The following BLZF1 variants were observed in gnomAD, a reference collection of about 807,000 sequenced individuals.
BLZF1 encodes the protein golgin-45.
A neutral mutation model predicts 43.8 loss-of-function variants in BLZF1; 39 were observed. The observed-to-expected ratio is 0.89, with a 90% CI of 0.69 to 1.16. The LOEUF (loss-of-function observed/expected upper bound fraction) is 1.16, where lower values mean the gene tolerates loss of function less well. BLZF1 is among the 50% of genes most tolerant of loss of function. The probability of loss-of-function intolerance (pLI) is 0.00; values close to 1 mark genes in which losing one functional copy is unlikely to be tolerated. For synonymous variants in BLZF1, 136 were observed against 159.4 expected (o/e 0.85, Z 1.11); for missense variants, 449 against 469.8 (o/e 0.96, Z 0.41).
chr1:169,385,656 CCAAA>C (rs1021785507), intron 6 of BLZF1, among the ~76,000 whole-genome samples: 3 of 152,200 alleles, frequency 2.0e-5, no homozygotes, highest in Non-Finnish European at 2.9e-5. Flanking sequence ...TCCTCTAATA[CCAAA>C]CAAACTTCCA....
chr1:169,379,989 G>A (rs1654475428), intron 4 of BLZF1, among the ~76,000 whole-genome samples: 1 of 151,074 alleles, frequency 6.6e-6, no homozygotes, highest in African/African-American at 2.4e-5. Context: ...ATTTTTTTTT[G>A]AGAAGTGTAA....
downstream of BLZF1, among the ~76,000 whole-genome samples, chr1:169,389,304 C>G (rs1008288558): frequency 6.6e-6 from 1 of 150,876 alleles, no homozygotes; most frequent in Non-Finnish European, 1.5e-5. Flanking sequence ...CAAAAAAAAA[C>G]AAAAACAAAA....
chr1:169,379,596 A>C (rs1169766143), intron 4 of BLZF1, among the ~76,000 whole-genome samples: 1 of 152,014 alleles, frequency 6.6e-6, no homozygotes, highest in African/African-American at 2.4e-5. Context: ...ATTAAATATG[A>C]CTTTATTGGT....
chr1:169,387,234 A>G lies in BLZF1; in HGVS notation c.*52A>G, dbSNP rs1410008737. The stretch of plus-strand genomic sequence containing the variant: ...GGTACTTCCTTATTACCCAAGAGTC[A>G]TTATTATTTGGGAGCTGGGGTTCTT... On this transcript the variant is annotated 3_prime_UTR_variant, in exon 7 of 7. Transcript: ENST00000367808. 4 of 1,526,090 alleles carry G rather than the reference A, an allele frequency of 2.6e-6. No individual in the cohort carries two copies. The highest frequency in any genetic ancestry group is 3.6e-6 in the Non-Finnish European group (4 of 1,125,338). 94.5% of individuals were successfully genotyped at this position (1,526,090 alleles called of 1,614,324 possible).
chr1:169,376,421 ATT>A, intron 2 of BLZF1, 117 bp from the exon 3 acceptor site: 7 of 767,426 alleles, frequency 9.1e-6, no homozygotes, highest in East Asian at 3.5e-5. Context: ...TTTTTCTCTG[ATT>A]TTTTTTTTGC....
chr1:169,370,834 C>T (rs772852556), intron 2 of BLZF1, among the ~76,000 whole-genome samples: 2 of 152,172 alleles, frequency 1.3e-5, no homozygotes, highest in African/African-American at 4.8e-5. Flanking sequence ...TCCCTAATCT[C>T]CTTCTTTATG....
At chr1:169,375,647 C>T (rs781578952) in intron 2 of BLZF1, among the ~76,000 whole-genome samples, 3 of 151,288 alleles carry the variant, frequency 2.0e-5, no homozygotes, top group Non-Finnish European at 2.9e-5. Context: ...GGTCTTACCT[C>T]ATAGAATGTC....
rs140192365 is a variant in BLZF1 at position 169,383,665 on chromosome 1, T to G, written c.1017+1384T>G. ...GAGCATTCCTTCCTGGAAACTCCCT[T>G]GACCTTTGTAACATCACTCTTTCTT... On this transcript the variant is annotated intron_variant, in intron 6 of 6. Transcript: ENST00000367808. Among the ~76,000 whole-genome samples, 456 of 152,300 alleles carry G rather than the reference T, an allele frequency of 3.0e-3. 3 individuals are homozygous for G. Among genetic ancestry groups the G allele is most frequent in the African/African-American group, 0.01 (422 of 41,554 alleles).
In BLZF1 at chr1:169,380,379, C is replaced by T. The variant is rs898752478; in HGVS notation, c.669-102C>T. On this transcript the variant is annotated intron_variant, in intron 4 of 6. Transcript: ENST00000367808. ...CTGTGAAGTAACTATACTGTTAAAT[C>T]TTTGTTAGCTTCTGAAAGTGACAGT... 46 of 1,136,406 alleles carry T rather than the reference C, an allele frequency of 4.0e-5. No individual in the cohort carries two copies. The African/African-American group carries it at 6.9e-4, about 17-fold the overall frequency. 70.4% of individuals were successfully genotyped at this position (1,136,406 alleles called of 1,614,324 possible). A position where few individuals can be genotyped will look rare whatever the true frequency, so the allele number is the denominator to read the frequency against.
At position 169,378,358 on chromosome 1, in the gene BLZF1, T is replaced by G; in HGVS notation, c.497T>G (p.Val166Gly). ...EVNRELKKLL[V>G]ASVGDDLQYH... The stretch of plus-strand genomic sequence containing the variant: ...AATCGTGAGTTAAAAAAGTTACTGG[T>G]GGCTTCTGTTGGGGATGATCTTCAG... Residue 166 changes from valine to glycine, a missense_variant, in exon 4 of 7, where the codon GTG becomes GGG. Coordinates refer to ENST00000367808, the MANE Select transcript of BLZF1 (RefSeq NM_001320973.2). 2 of 1,612,754 alleles carry G rather than the reference T, an allele frequency of 1.2e-6. No homozygotes were observed. Among genetic ancestry groups the G allele is most frequent in the Non-Finnish European group, 1.7e-6 (2 of 1,179,006 alleles).
At chr1:169,391,139 C>T (rs1345002465), downstream of BLZF1, among the ~76,000 whole-genome samples, 2 of 152,182 alleles carry the variant, frequency 1.3e-5, no homozygotes, top group African/African-American at 2.4e-5. Context: ...AAAACCTGAT[C>T]TCAATCAAAA....
chr1:169,381,589 A>G (rs925016460), intron 5 of BLZF1, among the ~76,000 whole-genome samples: 2 of 152,122 alleles, frequency 1.3e-5, no homozygotes, highest in Non-Finnish European at 2.9e-5. Context: ...AAACCCACCA[A>G]CTAATATCTC....
At chr1:169,375,754 G>A (rs1654297479) in intron 2 of BLZF1, among the ~76,000 whole-genome samples, 1 of 151,004 alleles carries the variant, frequency 6.6e-6, no homozygotes, top group Non-Finnish European at 1.5e-5. Flanking sequence ...CTCGTCTTTT[G>A]TCCCTCCCCT....
At chr1:169,375,128 G>A (rs1437182521) in intron 2 of BLZF1, among the ~76,000 whole-genome samples, 2 of 151,406 alleles carry the variant, frequency 1.3e-5, no homozygotes, top group Admixed American at 6.6e-5. Context: ...GTTCAATAAA[G>A]CCTTATTTAT....
chr1:169,394,760 C>G (rs752085341), intron 7 of BLZF1: 1 of 214,680 alleles, frequency 4.7e-6, no homozygotes, highest in Non-Finnish European at 9.0e-6. Context: ...AAATCTGTAC[C>G]TTTCTTGTGT....
At position 169,376,522 on chromosome 1, in the gene BLZF1, T is replaced by C; in HGVS notation, c.29-18T>C. The C allele has an allele frequency of 6.4e-7, 1 of 1,566,290 alleles. No individual in the cohort carries two copies. On this transcript the variant is annotated intron_variant, in intron 2 of 6. Transcript: ENST00000367808. ...TTCTTCTTGGTAAGTAGTTTCTGTT[T>C]TGTTTCCTTTTTGTTAGTCACCGTT...
rs563801074 is a variant in BLZF1, at chr1:169,394,558, G to T, written c.*28-1336G>T. ...CACAATGTTTAGCTCTCACATATAGGGTGTATTTTTTAAGGTACTAACGGG... is the reference window on the plus strand; with the variant it reads ...CACAATGTTTAGCTCTCACATATAGTGTGTATTTTTTAAGGTACTAACGGG... On this transcript the variant is annotated intron_variant, in intron 7 of 7. Transcript: ENST00000329281. Among the ~76,000 whole-genome samples, 20 of 152,144 alleles carry T rather than the reference G, an allele frequency of 1.3e-4. No homozygotes were observed. The South Asian group carries it at 4.2e-3, about 32-fold the overall frequency.
chr1:169,387,427 AT>A lies in BLZF1; in HGVS notation c.*246del. 3.2e-6 allele frequency: 1 copy of A among 315,558 alleles called. No homozygotes were observed. Among genetic ancestry groups the A allele is most frequent in the East Asian group, 5.8e-5 (1 of 17,244 alleles). The allele number at this position is 315,558 out of a possible 1,614,324, so 19.5% of individuals were successfully genotyped here. A position where few individuals can be genotyped will look rare whatever the true frequency, so the allele number is the denominator to read the frequency against. On this transcript the variant is annotated 3_prime_UTR_variant, in exon 7 of 7. Coordinates refer to ENST00000367808, the MANE Select transcript of BLZF1 (RefSeq NM_001320973.2). ...GAGAATACTTTCCAAGCAATACATG[AT>A]ACTTTTCCTAAAAGACTCTAAAAGA...
chr1:169,370,633 G>A (rs550274571), intron 2 of BLZF1, among the ~76,000 whole-genome samples: 2 of 152,312 alleles, frequency 1.3e-5, no homozygotes, highest in South Asian at 2.1e-4. Context: ...CAAATATGGC[G>A]AGTAGCTATT....
Sources: allele counts gnomAD v4.1 joint callset (sites outside exome capture counted in the v4.1 genomes callset), GRCh38; gene constraint gnomAD v4.1.1; transcripts MANE v1.5; gene names NCBI Gene and HGNC (gene_info 2026-07-23, HGNC 2026-07-21).